The following FAT2 variants were observed in gnomAD, a reference collection of about 807,000 sequenced individuals.
FAT2 encodes the protein FAT atypical cadherin 2, also known as protocadherin Fat 2.
A neutral mutation model predicts 295.3 loss-of-function variants in FAT2; 150 were observed. The observed-to-expected ratio is 0.51, with a 90% CI of 0.44 to 0.58. The LOEUF (loss-of-function observed/expected upper bound fraction) is 0.58, where lower values mean the gene tolerates loss of function less well. Ranked by LOEUF, FAT2 falls within the 20% of genes least tolerant of loss-of-function variation. The probability of loss-of-function intolerance (pLI) is 0.00; values close to 1 mark genes in which losing one functional copy is unlikely to be tolerated. For missense variants in FAT2, 4,868 were observed against 5,442.7 expected (o/e 0.89, Z 3.32); for synonymous variants, 2,026 against 2,150.3 (o/e 0.94, Z 1.60).
chr5:151,511,222 C>G (rs1463814629), intron 21 of FAT2: 2 of 152,080 alleles, frequency 1.3e-5, no homozygotes, highest in African/African-American at 4.8e-5. Flanking sequence ...ACATGATTAG[C>G]CAGACAAAAA....
At chr5:151,559,871 A>G (rs58733181) in intron 3 of FAT2, among the ~76,000 whole-genome samples, 6,808 of 152,192 alleles carry the variant, frequency 0.045, 361 homozygotes, top group African/African-American at 0.13. Context: ...GAATGGGGAC[A>G]TAGCAGAACC....
At chr5:151,547,673 G>A (rs962858163) in intron 9 of FAT2, among the ~76,000 whole-genome samples, 11 of 152,116 alleles carry the variant, frequency 7.2e-5, no homozygotes, top group South Asian at 4.1e-4. Flanking sequence ...ATGAGTAGCC[G>A]TTTTAAAGTG....
rs142372278 is a variant in FAT2 at position 151,521,943 on chromosome 5, C to T, written c.10650G>A (p.Val3550=). ...CTCGGTCTGTGGCATGGATCTTACC[C>T]ACCATGCCACCCTGGAACTCATCCT... ...VGEDEFQGGM[V]GKIHATDRDP... Residue 3550 remains valine, a synonymous_variant, in exon 19 of 24, where the codon GTG becomes GTA. Transcript: ENST00000261800. 1.3e-5 allele frequency: 21 copies of T among 1,614,098 alleles called. No homozygotes were observed. The highest frequency in any genetic ancestry group is 8.0e-5 in the African/African-American group (6 of 74,938).
chr5:151,534,453 A>G lies in FAT2; in HGVS notation c.9383T>C (p.Val3128Ala), dbSNP rs553647582. 1.9e-6 allele frequency: 3 copies of G among 1,613,712 alleles called. No individual in the cohort carries two copies. The highest frequency in any genetic ancestry group is 2.2e-5 in the East Asian group (1 of 44,848). ...CAVAVFDNTT[V>A]KTPVAVVFAR... ...AAATACTACAGCCACAGGGGTCTTC[A>G]CTGTGGTGTTGTCGAAGACAGCCAC... is the stretch of plus-strand genomic sequence containing the variant. Residue 3128 changes from valine (V) to alanine (A), a missense_variant, in exon 13 of 24, where the codon GTG becomes GCG. By Grantham distance (64) the Val-to-Ala change is moderately conservative. Around this residue, in one of 5 missense-constraint regions of FAT2, gnomAD observed 1,046 missense variants for 1,210.1 expected, o/e 0.86. Transcript: ENST00000261800.
At chr5:151,549,561 G>A (rs2127620002) in intron 8 of FAT2, 56 bp from the exon 9 acceptor site, 1 of 1,513,892 alleles carries the variant, frequency 6.6e-7, no homozygotes, top group Non-Finnish European at 9.2e-7. Context: ...GAGGAGGCAG[G>A]GTTAGGGTAA....
In FAT2 at chr5:151,568,242, G is replaced by T; in HGVS notation, c.690C>A (p.Ile230=). The part of the protein sequence containing the change: ...QVLAVDRMRK[I]SEGNGFGSLA... The stretch of plus-strand genomic sequence containing the variant: ...GGCTGCCAAACCCATTGCCCTCAGA[G>T]ATTTTCCGCATGCGGTCCACAGCTA... The change falls in exon 2 of 24, where the codon ATC becomes ATA. Residue 230 remains isoleucine, a synonymous_variant. Coordinates refer to ENST00000261800, the MANE Select transcript of FAT2 (RefSeq NM_001447.3). 6.2e-7 allele frequency: 1 copy of T among 1,614,124 alleles called. No homozygotes were observed. Among genetic ancestry groups the T allele is most frequent in the Non-Finnish European group, 8.5e-7 (1 of 1,180,000 alleles).
chr5:151,558,112 AATGTAT>A (rs1212744352), intron 3 of FAT2, among the ~76,000 whole-genome samples: 1 of 152,214 alleles, frequency 6.6e-6, no homozygotes, highest in African/African-American at 2.4e-5. Context: ...CACTTTAAGG[AATGTAT>A]TCTAAGGAAA....
intron 1 of FAT2, among the ~76,000 whole-genome samples, chr5:151,571,568 G>T (rs1356683760): frequency 6.6e-6 from 1 of 152,248 alleles, no homozygotes; most frequent in Non-Finnish European, 1.5e-5. Flanking sequence ...AGGATAAAAT[G>T]CAGAGAGAAT....
At chr5:151,555,523 C>G (rs1757619208) in intron 4 of FAT2, among the ~76,000 whole-genome samples, 1 of 152,078 alleles carries the variant, frequency 6.6e-6, no homozygotes, top group South Asian at 2.1e-4. Flanking sequence ...GCACCCGCCA[C>G]CACACCTGGC....
In FAT2 at chr5:151,521,125, C is replaced by A; in HGVS notation, c.11317+151G>T. On this transcript the variant is annotated intron_variant, in intron 19 of 23. Transcript: ENST00000261800. ...TATTCCATAACTAGATTTTGTGAGG[C>A]CACTAGCCGTCTTATGGTGATTGGT... The A allele has an allele frequency of 4.2e-6, 3 of 714,004 alleles. No individual in the cohort carries two copies. In the South Asian group the frequency reaches 6.5e-5, roughly 15 times the overall value. 44.2% of individuals were successfully genotyped at this position (714,004 alleles called of 1,614,324 possible). A position where few individuals can be genotyped will look rare whatever the true frequency, so the allele number is the denominator to read the frequency against.
intron 12 of FAT2, among the ~76,000 whole-genome samples, chr5:151,536,353 C>G (rs756940906): frequency 5.3e-5 from 8 of 152,132 alleles, no homozygotes; most frequent in Non-Finnish European, 1.2e-4. Context: ...ACAGCATTGT[C>G]CCCTATCTAC....
rs147077132 is a variant in FAT2 at position 151,555,036 on chromosome 5, T to C, written c.3634-363A>G. On this transcript the variant is annotated intron_variant, in intron 4 of 23. Coordinates refer to ENST00000261800, the MANE Select transcript of FAT2 (RefSeq NM_001447.3). Reference sequence around the variant, plus strand: ...CCTTAAGTTGCTCGATTAGAGAAAATAAATGAGAAAATGTTGATGAGGGAA... The same window carrying C: ...CCTTAAGTTGCTCGATTAGAGAAAACAAATGAGAAAATGTTGATGAGGGAA... Among the ~76,000 whole-genome samples the C allele has an allele frequency of 9.4e-3, 1,434 of 152,256 alleles. 19 individuals carry two copies. Among genetic ancestry groups the C allele is most frequent in the African/African-American group, 0.033 (1,374 of 41,542 alleles).
chr5:151,553,455 C>A, intron 5 of FAT2, 68 bp from the exon 6 acceptor site: 1 of 1,413,822 alleles, frequency 7.1e-7, no homozygotes, highest in East Asian at 2.4e-5. Context: ...GCAGCCAGGA[C>A]AGGAACCAGA....
At chr5:151,542,249 A>T (rs1314165584) in intron 10 of FAT2, 36 bp downstream of exon 10, 2 of 1,532,226 alleles carry the variant, frequency 1.3e-6, no homozygotes, top group Non-Finnish European at 1.8e-6. Flanking sequence ...TTTTCGATAC[A>T]TTCCAGAGCC....
intron 1 of FAT2, among the ~76,000 whole-genome samples, chr5:151,581,066 G>A (rs1554135537): frequency 6.6e-6 from 1 of 152,204 alleles, no homozygotes; most frequent in Non-Finnish European, 1.5e-5. Flanking sequence ...TCCAGGAGGT[G>A]GAGTCGCTAC....
In FAT2 at chr5:151,566,739, G is replaced by A. The variant is rs369912587; in HGVS notation, c.2193C>T (p.Asn731=). The A allele has an allele frequency of 6.2e-7, 1 of 1,614,200 alleles. No homozygotes were observed. The highest frequency in any genetic ancestry group is 8.5e-7 in the Non-Finnish European group (1 of 1,180,026). Residue 731 remains asparagine (N), a synonymous_variant, in exon 2 of 24, where the codon AAC becomes AAT. Coordinates refer to ENST00000261800, the MANE Select transcript of FAT2 (RefSeq NM_001447.3). The part of the protein sequence containing the change: ...SIDVLESVPI[N]TPLARLAATD... ...TGGCTGCTAGGCGGGCCAAGGGGGTGTTGATAGGGACACTCTCAAGGACAT... is the reference window on the plus strand; with the variant it reads ...TGGCTGCTAGGCGGGCCAAGGGGGTATTGATAGGGACACTCTCAAGGACAT...
At chr5:151,522,830 T>C (rs150455378) in intron 18 of FAT2, among the ~76,000 whole-genome samples, 2 of 152,186 alleles carry the variant, frequency 1.3e-5, no homozygotes, top group African/African-American at 4.8e-5. Context: ...CTGGAGCAAG[T>C]GGGCAGGGAA....
chr5:151,507,944 G>T (rs1161414933), intron 22 of FAT2, among the ~76,000 whole-genome samples: 2 of 152,178 alleles, frequency 1.3e-5, no homozygotes, highest in Non-Finnish European at 2.9e-5. Context: ...CGACTCTCTA[G>T]CAATGATGTC....
At position 151,512,309 on chromosome 5, in the gene FAT2, C is replaced by T; in HGVS notation, c.11761G>A (p.Glu3921Lys). 6.2e-7 allele frequency: 1 copy of T among 1,614,218 alleles called. No individual in the cohort carries two copies. The highest frequency in any genetic ancestry group is 8.5e-7 in the Non-Finnish European group (1 of 1,180,038). The part of the protein sequence containing the change: ...GCLDAVVVNE[E>K]ALDLLAPGKT... ...CCAGGGGCCAGCAGATCTAGAGCCT[C>T]TTCGTTGACCACGACAGCATCCAGG... Residue 3921 changes from glutamate to lysine, a missense_variant, in exon 21 of 24, where the codon GAG becomes AAG. Glu to Lys is a moderately conservative substitution (Grantham distance 56, BLOSUM62 1). Transcript: ENST00000261800. This position sits in a 1 kb window ranked among gnomAD's most constrained non-coding sequence, Gnocchi z 4.1.
Sources: gnomAD v4.1 joint callset for allele counts (sites outside exome capture counted in the v4.1 genomes callset) on GRCh38, gnomAD v4.1.1 for gene constraint, gnomAD v4.1.1 regional missense constraint, Gnocchi (gnomAD v3.1) non-coding constraint, MANE v1.5 for transcripts, NCBI Gene and HGNC (gene_info 2026-07-23, HGNC 2026-07-21) for gene names.